TEKTL1: variants seen among roughly 807,000 people sequenced by gnomAD.
TEKTL1 encodes tektin-like protein 1.
At chr19:15,014,603 G>A in the TEKTL1 span, among the ~76,000 whole-genome samples, 3 of 151,586 alleles carry the variant, frequency 2.0e-5, no homozygotes, top group Non-Finnish European at 4.4e-5. Flanking sequence ...GGCAGATATA[G>A]TACTAAATTA....
the TEKTL1 span, among the ~76,000 whole-genome samples, chr19:15,017,916 C>T: frequency 3.2e-4 from 49 of 152,104 alleles, no homozygotes; most frequent in South Asian, 1.2e-3. Context: ...GGAAAGGGGC[C>T]GGGTGTGGTG....
the TEKTL1 span, among the ~76,000 whole-genome samples, chr19:15,012,223 C>T: frequency 0.026 from 3,931 of 151,812 alleles, 145 homozygotes; most frequent in African/African-American, 0.089. Context: ...TCAGGCCAAC[C>T]GCAAACCAGC....
chr19:15,015,352 C>T, the TEKTL1 span, among the ~76,000 whole-genome samples: 1 of 152,304 alleles, frequency 6.6e-6, no homozygotes, highest in East Asian at 1.9e-4. Flanking sequence ...GCACTCAAAC[C>T]TTTCCCAGAT....
chr19:15,020,460 G>T, the TEKTL1 span: 2 of 1,612,454 alleles, frequency 1.2e-6, no homozygotes, highest in Non-Finnish European at 1.7e-6. Context: ...TCCCCACCCA[G>T]ACCCTGGCCT....
At chr19:15,012,846 G>T in the TEKTL1 span, among the ~76,000 whole-genome samples, 1 of 151,992 alleles carries the variant, frequency 6.6e-6, no homozygotes, top group African/African-American at 2.4e-5. Context: ...GAGACCCTCA[G>T]TGCCCCAGTC....
the TEKTL1 span, among the ~76,000 whole-genome samples, chr19:15,018,007 C>T: frequency 6.6e-6 from 1 of 152,048 alleles, no homozygotes; most frequent in African/African-American, 2.4e-5. Context: ...CTAGCCTGAG[C>T]AACATAGCAT....
the TEKTL1 span, chr19:15,020,457 C>T: frequency 1.2e-6 from 2 of 1,612,470 alleles, no homozygotes; most frequent in South Asian, 2.2e-5. Context: ...CCCTCCCCAC[C>T]CAGACCCTGG....
the TEKTL1 span, among the ~76,000 whole-genome samples, chr19:15,021,190 C>T: frequency 6.6e-6 from 1 of 152,110 alleles, no homozygotes; most frequent in South Asian, 2.1e-4. Context: ...GAAACCAACC[C>T]AAGACGCTTC....
the TEKTL1 span, among the ~76,000 whole-genome samples, chr19:15,011,854 C>T: frequency 1.3e-5 from 2 of 152,080 alleles, no homozygotes; most frequent in Admixed American, 6.6e-5. Flanking sequence ...TTTGGGAGGC[C>T]TTGGTGTGAG....
At chr19:15,010,785 G>T in the TEKTL1 span, 20 of 1,489,372 alleles carry the variant, frequency 1.3e-5, no homozygotes, top group African/African-American at 2.4e-4. Context: ...CTTCCGCTCC[G>T]CCTAGGGTTC....
chr19:15,013,711 G>A, the TEKTL1 span: 1 of 1,613,932 alleles, frequency 6.2e-7, no homozygotes, highest in African/African-American at 1.3e-5. Flanking sequence ...ATGGGAGAAA[G>A]AGGAGCTGAA....
the TEKTL1 span, chr19:15,021,541 G>C: frequency 6.2e-7 from 1 of 1,613,570 alleles, no homozygotes; most frequent in African/African-American, 1.3e-5. Context: ...ACCTGCGGCT[G>C]CGGGCCAGGG....
chr19:15,013,642 G>T, the TEKTL1 span: 2 of 1,525,384 alleles, frequency 1.3e-6, no homozygotes, highest in African/African-American at 2.7e-5. Flanking sequence ...CTTTCTTAAC[G>T]ATGTGAGGGA....
At chr19:15,021,447 G>A in the TEKTL1 span, 1 of 1,614,218 alleles carries the variant, frequency 6.2e-7, no homozygotes, top group Non-Finnish European at 8.5e-7. Context: ...ACGTCCGGGA[G>A]CAACAGCTGC....
the TEKTL1 span, among the ~76,000 whole-genome samples, chr19:15,014,269 C>A: frequency 1.3e-5 from 2 of 152,172 alleles, no homozygotes; most frequent in African/African-American, 4.8e-5. Context: ...GGGGGAAGAG[C>A]AGCCAGACTT....
At chr19:15,011,371 G>T in the TEKTL1 span, 1 of 1,446,378 alleles carries the variant, frequency 6.9e-7, no homozygotes, top group East Asian at 2.7e-5. Flanking sequence ...TCAAGCTGCG[G>T]GGCTACAGGC....
chr19:15,013,540 A>G, the TEKTL1 span: 1 of 644,574 alleles, frequency 1.6e-6, no homozygotes, highest in South Asian at 2.0e-5. Context: ...CACCCAAAGG[A>G]TGAGAGTACC....
the TEKTL1 span, chr19:15,021,274 C>T: frequency 1.9e-6 from 3 of 1,555,734 alleles, no homozygotes; most frequent in Non-Finnish European, 2.6e-6. Flanking sequence ...GGCCCACCAC[C>T]ACCTGAGAAT....
At chr19:15,011,337 G>C in the TEKTL1 span, 1 of 1,489,922 alleles carries the variant, frequency 6.7e-7, no homozygotes, top group East Asian at 2.6e-5. Flanking sequence ...GTGCGCAAGG[G>C]TCTGCTTATT....
Sources: gnomAD v4.1 joint callset for allele counts (sites outside exome capture counted in the v4.1 genomes callset) on GRCh38, gnomAD v4.1.1 for gene constraint, MANE v1.5 for transcripts, NCBI Gene and HGNC (gene_info 2026-07-23, HGNC 2026-07-21) for gene names.